Variants in JAG2 observed in about 807,000 individuals in gnomAD.
The protein encoded by JAG2 is protein jagged-2.
Under a neutral mutation model 141.7 loss-of-function variants are expected in JAG2, and 46 were observed. The ratio of observed to expected loss-of-function variants is 0.32; its 90% CI spans 0.26 to 0.42. The LOEUF (loss-of-function observed/expected upper bound fraction) is 0.42, where lower values mean the gene tolerates loss of function less well. JAG2 is among the 10% of genes least tolerant of loss of function. JAG2 has a pLI of 1.00. For synonymous variants in JAG2, 862 were observed against 763.5 expected (o/e 1.13, Z -2.13); for missense variants, 1,500 against 1,817.5 (o/e 0.83, Z 3.18).
At chr14:105,148,910 A>G (rs773428936) in intron 14 of JAG2, 27 bp downstream of exon 14, 7 of 1,595,380 alleles carry the variant, frequency 4.4e-6, no homozygotes, top group Non-Finnish European at 6.0e-6. Flanking sequence ...CAGCCCCACC[A>G]CCAGCCCGCC....
chr14:105,147,591 C>A, intron 18 of JAG2, 64 bp from the exon 19 acceptor site: 1 of 1,538,268 alleles, frequency 6.5e-7, no homozygotes, highest in South Asian at 1.1e-5. Flanking sequence ...AGGCACTGTC[C>A]AGGCTGGCTT....
At position 105,167,963 on chromosome 14, in the gene JAG2, C is replaced by G; in HGVS notation, c.211G>C (p.Val71Leu). Residue 71 changes from valine to leucine, a missense_variant, in exon 2 of 26, where the codon GTG becomes CTG. Transcript: ENST00000331782. This position sits in a 1 kb window ranked among gnomAD's most constrained non-coding sequence, Gnocchi z 4.8. The part of the protein sequence containing the change: ...GCGHDECDTY[V>L]RVCLKEYQAK... ...TGGTACTCCTTAAGGCACACGCGCA[C>G]GTACGTGTCGCACTCGTCGTGGCCG... The G allele has an allele frequency of 1.2e-6, 2 of 1,604,438 alleles. No homozygotes were observed. Among genetic ancestry groups the G allele is most frequent in the Non-Finnish European group, 8.5e-7 (1 of 1,177,994 alleles).
Position 105,147,505 on chromosome 14 carries a change from C to G in JAG2, c.2388G>C (p.Leu796=). The G allele has an allele frequency of 6.2e-7, 1 of 1,612,314 alleles. No homozygotes were observed. Among genetic ancestry groups the G allele is most frequent in the Non-Finnish European group, 8.5e-7 (1 of 1,179,498 alleles). ...CTHNTNDCNP[L]PCYNGGICVD... is the part of the protein sequence containing the mutation. ...GCCCCCAGGGTGCCACTCACCAAGG[C>G]AGAGGGTTGCAGTCGTTGGTATCTG... Residue 796 remains leucine, a synonymous_variant, in exon 19 of 26, where the codon CTG becomes CTC. Coordinates refer to ENST00000331782, the MANE Select transcript of JAG2 (RefSeq NM_002226.5).
chr14:105,156,212 T>C (rs973983223), intron 3 of JAG2, among the ~76,000 whole-genome samples: 1 of 151,684 alleles, frequency 6.6e-6, no homozygotes, highest in Non-Finnish European at 1.5e-5. Context: ...GCTCCCACCC[T>C]AAACGCAGAG....
At chr14:105,152,902 A>AC (rs938817529) in intron 5 of JAG2, among the ~76,000 whole-genome samples, 15 of 151,838 alleles carry the variant, frequency 9.9e-5, no homozygotes, top group Non-Finnish European at 1.8e-4. Flanking sequence ...CCCCAGCTGC[A>AC]CCCCCCAGGA....
intron 15 of JAG2, 36 bp from the exon 16 acceptor site, chr14:105,148,475 C>A: frequency 2.0e-6 from 3 of 1,513,178 alleles, no homozygotes; most frequent in South Asian, 2.3e-5. Context: ...GGCGGGGGGT[C>A]ACCGGCGCTC....
intron 2 of JAG2, among the ~76,000 whole-genome samples, chr14:105,159,766 C>T (rs1408352996): frequency 2.5e-5 from 2 of 79,646 alleles, no homozygotes; most frequent in Non-Finnish European, 5.0e-5. Context: ...ATCCACACCC[C>T]CCCAGAGTTC....
intron 17 of JAG2, 104 bp from the exon 18 acceptor site, chr14:105,147,992 AG>A: frequency 3.6e-6 from 4 of 1,106,278 alleles, no homozygotes; most frequent in Non-Finnish European, 5.4e-6. Flanking sequence ...ACCCGGGGGC[AG>A]GGGGCAGGGG....
At chr14:105,151,603 C>T in intron 8 of JAG2, 23 bp downstream of exon 8, 1 of 1,565,568 alleles carries the variant, frequency 6.4e-7, no homozygotes, top group Non-Finnish European at 8.7e-7. Context: ...GCAGGAGTCC[C>T]CTACTCACGT....
rs964145457 is a variant in JAG2, at chr14:105,142,464, A to C, written c.*231T>G. ...CATACAGCGAGTGCCACGCACGGAA[A>C]CTTTACAAAAATAGCAACTATCCGA... On this transcript the variant is annotated 3_prime_UTR_variant, in exon 26 of 26. Coordinates refer to ENST00000331782, the MANE Select transcript of JAG2 (RefSeq NM_002226.5). The C allele has an allele frequency of 1.3e-5, 7 of 549,640 alleles. No individual in the cohort carries two copies. The highest frequency in any genetic ancestry group is 1.1e-4 in the African/African-American group (6 of 52,362). 34.0% of individuals were successfully genotyped at this position (549,640 alleles called of 1,614,324 possible).
At chr14:105,158,194 G>A (rs587724779) in intron 2 of JAG2, among the ~76,000 whole-genome samples, 1 of 152,138 alleles carries the variant, frequency 6.6e-6, no homozygotes, top group Non-Finnish European at 1.5e-5. Flanking sequence ...CTCACTGGGG[G>A]TGACCACGGG....
intron 2 of JAG2, 88 bp from the exon 3 acceptor site, chr14:105,157,851 GC>G: frequency 8.2e-7 from 1 of 1,225,152 alleles, no homozygotes; most frequent in Non-Finnish European, 1.2e-6. Flanking sequence ...CTCAGACGCT[GC>G]CCCTGGGTCT....
At position 105,143,023 on chromosome 14, in the gene JAG2, G is replaced by A. The variant is rs752712856; in HGVS notation, c.3389C>T (p.Pro1130Leu). ...REESANNQWA[P>L]LNPIRNPIER... The stretch of plus-strand genomic sequence containing the variant: ...AATGGGGTTGCGGATGGGGTTGAGC[G>A]GGGCCCACTGGTTGTTGGCGCTCTC... Residue 1130 changes from proline (P) to leucine (L), a missense_variant, in exon 26 of 26, where the codon CCG (proline) becomes CTG (leucine). Physicochemically the swap from Pro to Leu is moderately conservative, Grantham distance 98. Coordinates refer to ENST00000331782, the MANE Select transcript of JAG2 (RefSeq NM_002226.5). 31 of 1,605,858 alleles carry A rather than the reference G, an allele frequency of 1.9e-5. No homozygotes were observed. The highest frequency in any genetic ancestry group is 3.3e-5 in the South Asian group (3 of 91,062).
rs377309230 is a variant in JAG2 at position 105,151,931 on chromosome 14, C to A, written c.1039+7G>T. 8.7e-6 allele frequency: 14 copies of A among 1,612,872 alleles called. No individual in the cohort carries two copies. The highest frequency in any genetic ancestry group is 1.2e-5 in the Non-Finnish European group (14 of 1,180,006). On this transcript the variant is annotated splice_region_variant and intron_variant, in intron 7 of 25. Transcript: ENST00000331782. ...GCCAGAATTTGGGTGGCCAGCCCCCCACGTACCCTTCTCACAGTTCCTGCC... is the reference window on the plus strand; with the variant it reads ...GCCAGAATTTGGGTGGCCAGCCCCCAACGTACCCTTCTCACAGTTCCTGCC...
chr14:105,146,013 A>C (rs1289912724), intron 22 of JAG2, 40 bp from the exon 23 acceptor site: 3 of 1,577,852 alleles, frequency 1.9e-6, no homozygotes, highest in Non-Finnish European at 2.6e-6. Flanking sequence ...GCAGGCGCAC[A>C]GGAGGGTCAG....
At chr14:105,147,945 C>T in intron 17 of JAG2, 57 bp from the exon 18 acceptor site, 3 of 1,374,744 alleles carry the variant, frequency 2.2e-6, no homozygotes, top group Non-Finnish European at 3.0e-6. Flanking sequence ...GGCCCTGGGT[C>T]TCCATACCGC....
chr14:105,162,238 C>T (rs1888768881), intron 2 of JAG2, among the ~76,000 whole-genome samples: 1 of 152,044 alleles, frequency 6.6e-6, no homozygotes, highest in African/African-American at 2.4e-5. Context: ...AGGGCTTCAC[C>T]CCTGCAGGCC....
intron 5 of JAG2, among the ~76,000 whole-genome samples, chr14:105,153,546 C>A (rs907279551): frequency 3.3e-5 from 5 of 152,162 alleles, no homozygotes; most frequent in African/African-American, 1.2e-4. Context: ...TCCTGGTTTC[C>A]CCAGCCAGCA....
intron 17 of JAG2, 28 bp from the exon 18 acceptor site, chr14:105,147,916 T>C (rs1204097778): frequency 6.6e-7 from 1 of 1,505,900 alleles, no homozygotes; most frequent in Non-Finnish European, 9.0e-7. Flanking sequence ...GGAGGGAGCG[T>C]CTCACCTGGC....
Sources: gnomAD v4.1 joint callset for allele counts (sites outside exome capture counted in the v4.1 genomes callset) on GRCh38, gnomAD v4.1.1 for gene constraint, Gnocchi (gnomAD v3.1) non-coding constraint, MANE v1.5 for transcripts, NCBI Gene and HGNC (gene_info 2026-07-23, HGNC 2026-07-21) for gene names.